Variants in KLRG1 observed in about 807,000 individuals in gnomAD.
KLRG1 encodes the protein killer cell lectin-like receptor subfamily G member 1.
KLRG1 carries 16 observed loss-of-function variants against 21.8 expected under a neutral mutation model. The ratio of observed to expected loss-of-function variants is 0.73; its 90% CI spans 0.50 to 1.11. The LOEUF (loss-of-function observed/expected upper bound fraction) is 1.11, where lower values mean the gene tolerates loss of function less well. KLRG1 is among the 50% of genes most tolerant of loss of function. The pLI, the probability that KLRG1 is intolerant of heterozygous loss-of-function variation, is 0.00. For synonymous variants in KLRG1, 69 were observed against 75.9 expected, an observed-to-expected ratio of 0.91 and a Z score of 0.47; for missense variants, 173 against 218.3, an observed-to-expected ratio of 0.79 and a Z score of 1.31.
the KLRG1 span, chr12:9,162,507 C>T: frequency 1.1e-6 from 1 of 887,910 alleles, no homozygotes; most frequent in South Asian, 1.5e-5. Context: ...ACTCTGAAAA[C>T]TGGGAGATAA....
chr12:9,092,147 G>T, the KLRG1 span, among the ~76,000 whole-genome samples: 1 of 152,078 alleles, frequency 6.6e-6, no homozygotes, highest in African/African-American at 2.4e-5. Flanking sequence ...AGACTTACAG[G>T]AAGGCTGAAA....
the KLRG1 span, among the ~76,000 whole-genome samples, chr12:9,205,856 A>T: frequency 6.6e-6 from 1 of 152,322 alleles, no homozygotes. Flanking sequence ...AGGATAATTG[A>T]GTTGTGGAAT....
the KLRG1 span, chr12:9,165,223 C>T: frequency 5.0e-6 from 8 of 1,614,168 alleles, no homozygotes; most frequent in Non-Finnish European, 6.8e-6. Flanking sequence ...GCATTGTGAG[C>T]TCCACAAAGA....
the KLRG1 span, among the ~76,000 whole-genome samples, chr12:9,183,082 T>C: frequency 6.6e-6 from 1 of 152,250 alleles, no homozygotes; most frequent in Non-Finnish European, 1.5e-5. Flanking sequence ...ACAATTAGAA[T>C]TGTAGAAGAA....
In KLRG1 at chr12:9,009,555, C is replaced by T; in HGVS notation, c.*18C>T. ...GACTTTGATAGATGACCACTCTGTC[C>T]TGACCCTCAGATCTGTCATGTATCC... On this transcript the variant is annotated 3_prime_UTR_variant, in exon 5 of 5. Transcript: ENST00000356986. 1.2e-6 allele frequency: 2 copies of T among 1,612,954 alleles called. No homozygotes were observed. The highest frequency in any genetic ancestry group is 2.2e-5 in the South Asian group (2 of 90,970).
chr12:9,036,855 G>A, the KLRG1 span: 1 of 426,720 alleles, frequency 2.3e-6, no homozygotes, highest in Non-Finnish European at 4.7e-6. Flanking sequence ...CACTGACAGT[G>A]CCAAGTCAAA....
chr12:9,019,011 C>T, the KLRG1 span, among the ~76,000 whole-genome samples: 1 of 152,078 alleles, frequency 6.6e-6, no homozygotes, highest in Non-Finnish European at 1.5e-5. Context: ...GAAACATTTG[C>T]AAACTATCCA....
chr12:9,089,849 AC>A, the KLRG1 span: 1 of 1,121,782 alleles, frequency 8.9e-7, no homozygotes, highest in Non-Finnish European at 1.3e-6. Context: ...TTATTATATT[AC>A]CCACATATAT....
chr12:9,122,435 A>G, the KLRG1 span, among the ~76,000 whole-genome samples: 1 of 152,194 alleles, frequency 6.6e-6, no homozygotes, highest in Non-Finnish European at 1.5e-5. Flanking sequence ...ACTGGGGTTA[A>G]ATTTTAAAAG....
chr12:9,053,134 T>C, the KLRG1 span, among the ~76,000 whole-genome samples: 1 of 152,134 alleles, frequency 6.6e-6, no homozygotes, highest in Admixed American at 6.5e-5. Flanking sequence ...CCCAGAGATA[T>C]GCACATTAGG....
chr12:9,202,499 C>G, the KLRG1 span: 1 of 1,613,354 alleles, frequency 6.2e-7, no homozygotes, highest in Non-Finnish European at 8.5e-7. Flanking sequence ...CAGTGTTGCC[C>G]CAAACAGTGG....
At chr12:9,182,628 T>C in the KLRG1 span, among the ~76,000 whole-genome samples, 1 of 152,216 alleles carries the variant, frequency 6.6e-6, no homozygotes, top group South Asian at 2.1e-4. Context: ...TAAACTCTTA[T>C]AAGTACATTG....
intron 1 of KLRG1, among the ~76,000 whole-genome samples, chr12:8,956,374 C>T (rs1946293543): frequency 6.6e-6 from 1 of 152,204 alleles, no homozygotes; most frequent in Non-Finnish European, 1.5e-5. Context: ...CGAGCTGAGA[C>T]TCTTCGGGGT....
At chr12:9,027,857 A>G in the KLRG1 span, 2 of 927,312 alleles carry the variant, frequency 2.2e-6, no homozygotes, top group Non-Finnish European at 3.5e-6. Flanking sequence ...TGTCACTCCC[A>G]CCAAAACCAC....
At chr12:9,204,417 A>G in the KLRG1 span, among the ~76,000 whole-genome samples, 2 of 152,250 alleles carry the variant, frequency 1.3e-5, no homozygotes, top group African/African-American at 2.4e-5. Context: ...CACCGTGACT[A>G]GATTTACAGA....
chr12:9,154,967 A>G, the KLRG1 span: 1 of 969,426 alleles, frequency 1.0e-6, no homozygotes. Flanking sequence ...CTTCTATGTC[A>G]TAAACTCCTA....
chr12:9,068,800 CT>C, the KLRG1 span: 1 of 1,608,824 alleles, frequency 6.2e-7, no homozygotes, highest in Non-Finnish European at 8.5e-7. Context: ...ACTGGGACAT[CT>C]TGCAGAACCG....
chr12:9,062,705 A>G, the KLRG1 span, among the ~76,000 whole-genome samples: 1 of 147,780 alleles, frequency 6.8e-6, no homozygotes, highest in Non-Finnish European at 1.5e-5. Context: ...TACATTTATA[A>G]TATATTTATT....
chr12:9,098,794 C>G, the KLRG1 span: 1 of 1,601,926 alleles, frequency 6.2e-7, no homozygotes, highest in Non-Finnish European at 8.5e-7. Flanking sequence ...AAGCAAATTT[C>G]CAGGTTTACC....
Sources: gnomAD v4.1 joint callset for allele counts (sites outside exome capture counted in the v4.1 genomes callset) on GRCh38, gnomAD v4.1.1 for gene constraint, MANE v1.5 for transcripts, NCBI Gene and HGNC (gene_info 2026-07-23, HGNC 2026-07-21) for gene names.